Variants in KCNA2 observed in about 807,000 individuals in gnomAD.
KCNA2 encodes the protein potassium channel, voltage gated shaker related subfamily A, member 2.
In KCNA2, 11 loss-of-function variants were observed where a neutral mutation model predicts 33.4. The ratio of observed to expected loss-of-function variants is 0.33; its 90% CI spans 0.21 to 0.55. The LOEUF is 0.55. KCNA2 is among the 20% of genes least tolerant of loss of function. KCNA2 has a pLI of 0.93. For missense variants in KCNA2, 291 were observed against 621.6 expected (o/e 0.47, Z 5.66); for synonymous variants, 222 against 231.3 (o/e 0.96, Z 0.37).
At position 110,601,146 on chromosome 1, in the gene KCNA2, C is replaced by G; in HGVS notation, c.*2137G>C. On this transcript the variant is annotated 3_prime_UTR_variant, in exon 3 of 3. Coordinates refer to ENST00000316361, the MANE Select transcript of KCNA2 (RefSeq NM_004974.4). ...GGTGGGAAATGATTCTTTACCCATC[C>G]TTTGGTTCTTTTTAAAAAGCAGCTC... is the stretch of plus-strand genomic sequence containing the variant. 2.0e-6 allele frequency: 2 copies of G among 985,424 alleles called. No individual in the cohort carries two copies. The highest frequency in any genetic ancestry group is 2.4e-6 in the Non-Finnish European group (2 of 829,978). The allele number at this position is 985,424 out of a possible 1,614,324, so 61.0% of individuals were successfully genotyped here. A position where few individuals can be genotyped will look rare whatever the true frequency, so the allele number is the denominator to read the frequency against.
Position 110,600,042 on chromosome 1 carries a change from G to C in KCNA2, c.*3241C>G, listed in dbSNP as rs1649268308. 1.0e-6 allele frequency: 1 copy of C among 984,578 alleles called. No homozygotes were observed. Among genetic ancestry groups the C allele is most frequent in the Admixed American group, 6.2e-5 (1 of 16,216 alleles). The allele number at this position is 984,578 out of a possible 1,614,324, so 61.0% of individuals were successfully genotyped here. A position where few individuals can be genotyped will look rare whatever the true frequency, so the allele number is the denominator to read the frequency against. ...GAGTTACTTCTCAGGAGTGAAATCT[G>C]GTAGTGAGAGAAAAGAATAGAGAAA... On this transcript the variant is annotated 3_prime_UTR_variant, in exon 3 of 3. Coordinates refer to ENST00000316361, the MANE Select transcript of KCNA2 (RefSeq NM_004974.4).
chr1:110,596,803 T>A lies in KCNA2; in HGVS notation c.*6480A>T, dbSNP rs1026481262. 1.0e-6 allele frequency: 1 copy of A among 985,306 alleles called. No individual in the cohort carries two copies. Among genetic ancestry groups the A allele is most frequent in the Non-Finnish European group, 1.2e-6 (1 of 829,934 alleles). 61.0% of individuals were successfully genotyped at this position (985,306 alleles called of 1,614,324 possible). A position where few individuals can be genotyped will look rare whatever the true frequency, so the allele number is the denominator to read the frequency against. Reference sequence around the variant, plus strand: ...TGTTCCTGTCCCTGAGGTTTCCCCATCAGTTAACTGAGGTTTTGCTGTACA... The same window carrying A: ...TGTTCCTGTCCCTGAGGTTTCCCCAACAGTTAACTGAGGTTTTGCTGTACA... On this transcript the variant is annotated 3_prime_UTR_variant, in exon 3 of 3. Coordinates refer to ENST00000316361, the MANE Select transcript of KCNA2 (RefSeq NM_004974.4).
chr1:110,596,872 C>T lies in KCNA2; in HGVS notation c.*6411G>A. 2 of 985,400 alleles carry T rather than the reference C, an allele frequency of 2.0e-6. No individual in the cohort carries two copies. The highest frequency in any genetic ancestry group is 2.4e-6 in the Non-Finnish European group (2 of 829,934). 61.0% of individuals were successfully genotyped at this position (985,400 alleles called of 1,614,324 possible). A position where few individuals can be genotyped will look rare whatever the true frequency, so the allele number is the denominator to read the frequency against. On this transcript the variant is annotated 3_prime_UTR_variant, in exon 3 of 3. Transcript: ENST00000316361. ...TAGATCAAAAAAGGATGGAATGGGA[C>T]CCTGGGGTTGCCAGCCTTCCCTGAT...
Position 110,602,036 on chromosome 1 carries a change from G to C in KCNA2, c.*1247C>G. 2 of 1,550,408 alleles carry C rather than the reference G, an allele frequency of 1.3e-6. No individual in the cohort carries two copies. Among genetic ancestry groups the C allele is most frequent in the Non-Finnish European group, 1.7e-6 (2 of 1,146,920 alleles). ...ATACACTGGATCCACAGACCTGCCT[G>C]TCATCAGGACCAGATGCCCTGGTCC... On this transcript the variant is annotated 3_prime_UTR_variant, in exon 3 of 3. Transcript: ENST00000316361.
In KCNA2 at chr1:110,599,696, C is replaced by A. The variant is rs1236616979; in HGVS notation, c.*3587G>T. The stretch of plus-strand genomic sequence containing the variant: ...TGGGCTTAGAGAATGTTGGGGACAT[C>A]TTTACCCTGGTCCTGGGCTCAAGAT... On this transcript the variant is annotated 3_prime_UTR_variant, in exon 3 of 3. Coordinates refer to ENST00000316361, the MANE Select transcript of KCNA2 (RefSeq NM_004974.4). The A allele has an allele frequency of 3.0e-6, 3 of 985,294 alleles. No homozygotes were observed. Among genetic ancestry groups the A allele is most frequent in the East Asian group, 1.1e-4 (1 of 8,818 alleles). 61.0% of individuals were successfully genotyped at this position (985,294 alleles called of 1,614,324 possible). A position where few individuals can be genotyped will look rare whatever the true frequency, so the allele number is the denominator to read the frequency against.
At position 110,599,221 on chromosome 1, in the gene KCNA2, G is replaced by T. The variant is rs1649233264; in HGVS notation, c.*4062C>A. ...TACTTCCGATGTAGGTGAAGCCTTT[G>T]CTAAAATGCACTCAGCTCTCAGCTA... On this transcript the variant is annotated 3_prime_UTR_variant, in exon 3 of 3. Coordinates refer to ENST00000316361, the MANE Select transcript of KCNA2 (RefSeq NM_004974.4). 1.0e-6 allele frequency: 1 copy of T among 985,326 alleles called. No individual in the cohort carries two copies. The highest frequency in any genetic ancestry group is 1.7e-5 in the African/African-American group (1 of 57,238). 61.0% of individuals were successfully genotyped at this position (985,326 alleles called of 1,614,324 possible). A position where few individuals can be genotyped will look rare whatever the true frequency, so the allele number is the denominator to read the frequency against.
At chr1:110,622,450 T>G (rs895607610) in intron 1 of KCNA2, among the ~76,000 whole-genome samples, 1 of 152,124 alleles carries the variant, frequency 6.6e-6, no homozygotes, top group Non-Finnish European at 1.5e-5. Context: ...GATTTCTGCT[T>G]TCACCATTTC....
intron 1 of KCNA2, among the ~76,000 whole-genome samples, chr1:110,631,225 C>G (rs1169225243): frequency 6.6e-6 from 1 of 152,184 alleles, no homozygotes; most frequent in Non-Finnish European, 1.5e-5. Context: ...GGTGTCAAAT[C>G]CCTTGTCTGG....
In KCNA2 at chr1:110,602,800, G is replaced by A; in HGVS notation, c.*483C>T. On this transcript the variant is annotated 3_prime_UTR_variant, in exon 3 of 3. Transcript: ENST00000316361. Reference sequence around the variant, plus strand: ...GAAAGTAATTCCAACACACAGGACTGTGTGTTCTTTTCAATGCAAAAATGA... The same window carrying A: ...GAAAGTAATTCCAACACACAGGACTATGTGTTCTTTTCAATGCAAAAATGA... The A allele has an allele frequency of 1.0e-6, 1 of 997,174 alleles. No homozygotes were observed. The highest frequency in any genetic ancestry group is 1.2e-6 in the Non-Finnish European group (1 of 837,638). 61.8% of individuals were successfully genotyped at this position (997,174 alleles called of 1,614,324 possible). A position where few individuals can be genotyped will look rare whatever the true frequency, so the allele number is the denominator to read the frequency against.
In KCNA2 at chr1:110,602,592, C is replaced by T; in HGVS notation, c.*691G>A. On this transcript the variant is annotated 3_prime_UTR_variant, in exon 3 of 3. Transcript: ENST00000316361. ...TGGTTTGTTAGCTTCTCCCCATAGG[C>T]CTAAGGGAACAAATGTGAAACTTGA... 1.2e-5 allele frequency: 12 copies of T among 1,012,918 alleles called. No individual in the cohort carries two copies. Among genetic ancestry groups the T allele is most frequent in the Non-Finnish European group, 1.4e-5 (12 of 847,682 alleles). The allele number at this position is 1,012,918 out of a possible 1,614,324, so 62.7% of individuals were successfully genotyped here. A position where few individuals can be genotyped will look rare whatever the true frequency, so the allele number is the denominator to read the frequency against.
In KCNA2 at chr1:110,601,982, T is replaced by C. The variant is rs1178668578; in HGVS notation, c.*1301A>G. ...ATCACTAGCTAGGTAGAGGAACGCG[T>C]GAAAGAGAGATACTCGATATATATT... On this transcript the variant is annotated 3_prime_UTR_variant, in exon 3 of 3. Coordinates refer to ENST00000316361, the MANE Select transcript of KCNA2 (RefSeq NM_004974.4). 1.3e-6 allele frequency: 2 copies of C among 1,531,570 alleles called. No individual in the cohort carries two copies. The highest frequency in any genetic ancestry group is 4.0e-5 in the Admixed American group (2 of 49,958). 94.9% of individuals were successfully genotyped at this position (1,531,570 alleles called of 1,614,324 possible). A position where few individuals can be genotyped will look rare whatever the true frequency, so the allele number is the denominator to read the frequency against.
chr1:110,601,934 T>C lies in KCNA2; in HGVS notation c.*1349A>G, dbSNP rs1649372073. 2.0e-6 allele frequency: 3 copies of C among 1,489,276 alleles called. No individual in the cohort carries two copies. The highest frequency in any genetic ancestry group is 2.7e-6 in the Non-Finnish European group (3 of 1,120,124). The allele number at this position is 1,489,276 out of a possible 1,614,324, so 92.3% of individuals were successfully genotyped here. ...AAAAATATTGCATAAGCTTGTACAA[T>C]GTTCAAATGCAATTTCTTTTCTATC... On this transcript the variant is annotated 3_prime_UTR_variant, in exon 3 of 3. Coordinates refer to ENST00000316361, the MANE Select transcript of KCNA2 (RefSeq NM_004974.4).
In KCNA2 at chr1:110,594,988, C is replaced by T. The variant is rs1231944062; in HGVS notation, c.*8295G>A. ...TCCTCCTATTGCTTTCTCTAGCAGC[C>T]CAGAGCATTTATTCACTCATACAAA... is the stretch of plus-strand genomic sequence containing the variant. On this transcript the variant is annotated 3_prime_UTR_variant, in exon 3 of 3. Transcript: ENST00000316361. The T allele has an allele frequency of 1.1e-5, 11 of 985,230 alleles. No homozygotes were observed. In the African/African-American group the frequency reaches 1.9e-4, roughly 17 times the overall value. The allele number at this position is 985,230 out of a possible 1,614,324, so 61.0% of individuals were successfully genotyped here. A position where few individuals can be genotyped will look rare whatever the true frequency, so the allele number is the denominator to read the frequency against.
At chr1:110,617,710 G>A (rs998283242) in intron 1 of KCNA2, among the ~76,000 whole-genome samples, 3 of 152,216 alleles carry the variant, frequency 2.0e-5, no homozygotes, top group African/African-American at 7.2e-5. Flanking sequence ...AGGATTCAGT[G>A]ATCAGCGAGA....
intron 1 of KCNA2, among the ~76,000 whole-genome samples, chr1:110,625,727 G>A (rs773443808): frequency 3.9e-5 from 6 of 152,092 alleles, no homozygotes; most frequent in Non-Finnish European, 7.4e-5. Flanking sequence ...CATATATAAA[G>A]AGCTGAAAGA....
intron 1 of KCNA2, among the ~76,000 whole-genome samples, chr1:110,620,493 A>T (rs1650226544): frequency 6.6e-6 from 1 of 152,110 alleles, no homozygotes; most frequent in Non-Finnish European, 1.5e-5. Context: ...TCGGAGGTGA[A>T]GGCTGTGCTG....
upstream of KCNA2, among the ~76,000 whole-genome samples, chr1:110,610,912 G>A (rs565306175): frequency 3.9e-4 from 60 of 152,258 alleles, 1 homozygote; most frequent in South Asian, 2.1e-3. Flanking sequence ...TGGTCTGTGC[G>A]ACCCAAGCTC....
rs1649149935 is a variant in KCNA2 at position 110,597,578 on chromosome 1, C to G, written c.*5705G>C. The G allele has an allele frequency of 1.0e-6, 1 of 985,444 alleles. No individual in the cohort carries two copies. The highest frequency in any genetic ancestry group is 1.2e-6 in the Non-Finnish European group (1 of 829,954). 61.0% of individuals were successfully genotyped at this position (985,444 alleles called of 1,614,324 possible). A position where few individuals can be genotyped will look rare whatever the true frequency, so the allele number is the denominator to read the frequency against. On this transcript the variant is annotated 3_prime_UTR_variant, in exon 3 of 3. Transcript: ENST00000316361. ...CTCACAGGCCTTCCTTGTGCATACA[C>G]TGCATCTTAGCATATGTGTCCATTC...
chr1:110,606,737 G>T (rs552198862), upstream of KCNA2: 23 of 152,414 alleles, frequency 1.5e-4, no homozygotes, highest in African/African-American at 4.8e-4. Context: ...TCTGGGGGTG[G>T]GGAGTAGCCT....
Sources: allele counts gnomAD v4.1 joint callset (sites outside exome capture counted in the v4.1 genomes callset), GRCh38; gene constraint gnomAD v4.1.1; transcripts MANE v1.5; gene names NCBI Gene and HGNC (gene_info 2026-07-23, HGNC 2026-07-21).